The following CHD2 variants were observed in gnomAD, a reference collection of about 807,000 sequenced individuals.
CHD2 encodes chromodomain helicase DNA binding protein 2, also known as ATP-dependent chromatin remodeler CHD2.
A neutral mutation model predicts 243.9 loss-of-function variants in CHD2; 28 were observed. The observed-to-expected ratio is 0.11, with a 90% CI of 0.09 to 0.16. The LOEUF (loss-of-function observed/expected upper bound fraction) is 0.16. CHD2 is among the 10% of genes least tolerant of loss of function. The pLI is 1.00. For missense variants in CHD2, 1,386 were observed against 2,209.8 expected (o/e 0.63, Z 7.47); for synonymous variants, 775 against 779.0 (o/e 0.99, Z 0.09).
chr15:92,993,930 C>G (rs555663701), intron 28 of CHD2, among the ~76,000 whole-genome samples: 3 of 152,108 alleles, frequency 2.0e-5, no homozygotes, highest in African/African-American at 7.2e-5. Flanking sequence ...TGAGATCATG[C>G]CACTGCACTT....
rs145021164 is a variant in CHD2, at chr15:93,025,614, C to T, written c.*909C>T. The T allele has an allele frequency of 6.6e-6, 1 of 152,414 alleles. No individual in the cohort carries two copies. The highest frequency in any genetic ancestry group is 6.5e-5 in the Admixed American group (1 of 15,272). 9.4% of individuals were successfully genotyped at this position (152,414 alleles called of 1,614,324 possible). ...TGGAATCCCTGGTGGATTTCTGATT[C>T]CTGTGGTGAGAAGGAAAGCTACAGG... On this transcript the variant is annotated 3_prime_UTR_variant, in exon 39 of 39. Transcript: ENST00000394196.
chr15:92,991,629 T>C (rs2054121049), intron 27 of CHD2, 112 bp downstream of exon 27: 1 of 676,070 alleles, frequency 1.5e-6, no homozygotes. Flanking sequence ...CATTTTTTTT[T>C]CTGGAAACAT....
intron 26 of CHD2, chr15:92,991,237 TAC>T: frequency 2.3e-6 from 1 of 436,844 alleles, no homozygotes; most frequent in East Asian, 4.1e-5. Flanking sequence ...CAGGTTTATG[TAC>T]AGTCACTGAG....
chr15:93,016,551 C>A (rs2054462638), intron 37 of CHD2, among the ~76,000 whole-genome samples: 1 of 151,942 alleles, frequency 6.6e-6, no homozygotes, highest in South Asian at 2.1e-4. Context: ...GCATTGTAAT[C>A]AATAAATACA....
Position 92,995,452 on chromosome 15 carries a change from T to C in CHD2, c.3596-1505T>C, listed in dbSNP as rs557577227. On this transcript the variant is annotated intron_variant, in intron 28 of 38. Transcript: ENST00000394196. ...GTCACTGTTTCTATTAGTTGTAAGT[T>C]TATCTTTGATTGTTTCTTTTAAAAT... 2.2e-3 allele frequency among the ~76,000 whole-genome samples: 338 copies of C among 151,328 alleles called. 2 individuals carry two copies. The highest frequency in any genetic ancestry group is 7.7e-3 in the African/African-American group (319 of 41,408).
intron 2 of CHD2, among the ~76,000 whole-genome samples, chr15:92,916,611 T>C (rs2052841549): frequency 6.6e-6 from 1 of 152,212 alleles, no homozygotes; most frequent in Admixed American, 6.5e-5. Flanking sequence ...TGGAGTGCAA[T>C]GGTGCAACCT....
At chr15:92,939,508 T>TAC in intron 6 of CHD2, 70 bp from the exon 7 acceptor site, 1 of 1,503,042 alleles carries the variant, frequency 6.7e-7, no homozygotes, top group South Asian at 1.2e-5. Context: ...CTCTGGGAAA[T>TAC]ACTGTTATAT....
chr15:92,950,738 G>A (rs1463458611), intron 13 of CHD2, among the ~76,000 whole-genome samples: 1 of 146,078 alleles, frequency 6.8e-6, no homozygotes, highest in Non-Finnish European at 1.5e-5. Context: ...GGGTGACAAA[G>A]TGAAACTTCA....
intron 2 of CHD2, among the ~76,000 whole-genome samples, chr15:92,903,803 C>G (rs1046391739): frequency 6.6e-6 from 1 of 152,156 alleles, no homozygotes; most frequent in Non-Finnish European, 1.5e-5. Context: ...AAGAATTGAA[C>G]GAGTTTATTA....
chr15:92,999,790 AT>A (rs1596448781), intron 31 of CHD2, among the ~76,000 whole-genome samples: 1 of 152,148 alleles, frequency 6.6e-6, no homozygotes, highest in South Asian at 2.1e-4. Context: ...GATAAACAGT[AT>A]TTTAACCTTT....
chr15:92,906,477 A>AT (rs1459267279), intron 2 of CHD2, among the ~76,000 whole-genome samples: 6 of 152,158 alleles, frequency 3.9e-5, no homozygotes, highest in Non-Finnish European at 7.4e-5. Context: ...AGATTTTATC[A>AT]TTAGTTTACT....
intron 2 of CHD2, chr15:92,901,994 A>G (rs2052535312): frequency 2.6e-6 from 1 of 385,662 alleles, no homozygotes; most frequent in South Asian, 1.4e-4. Context: ...GAATACTCTT[A>G]ATATATACTT....
chr15:92,981,426 G>A lies in CHD2; in HGVS notation c.3035G>A (p.Ser1012Asn), dbSNP rs978368528. 1 of 1,613,768 alleles carries A rather than the reference G, an allele frequency of 6.2e-7. No homozygotes were observed. The highest frequency in any genetic ancestry group is 8.5e-7 in the Non-Finnish European group (1 of 1,179,698). Residue 1012 changes from serine to asparagine, a missense_variant, in exon 24 of 39, where the codon AGT becomes AAT. Coordinates refer to ENST00000394196, the MANE Select transcript of CHD2 (RefSeq NM_001271.4). ...AETRENEVST[S>N]ATDELLSQFK... ...ACGAGAGAGAATGAAGTGTCAACAA[G>A]TGCAACAGATGAACTTCTATCACAG... is the stretch of plus-strand genomic sequence containing the variant.
At position 93,002,185 on chromosome 15, in the gene CHD2, C is replaced by T. The variant is rs1347474917; in HGVS notation, c.4146C>T (p.Gly1382=). The T allele has an allele frequency of 1.9e-6, 3 of 1,582,482 alleles. No homozygotes were observed. The highest frequency in any genetic ancestry group is 1.4e-5 in the African/African-American group (1 of 71,926). Residue 1382 remains glycine (G), a synonymous_variant, in exon 33 of 39, where the codon GGC becomes GGT. Coordinates refer to ENST00000394196, the MANE Select transcript of CHD2 (RefSeq NM_001271.4). The part of the protein sequence containing the change: ...PSEEGEVKDD[G]LEKSPMKKKQ... Reference sequence around the variant, plus strand: ...CCTGTTTTGTTTCCTAGGATGATGGCTTGGAAAAAAGTCCAATGAAAAAAA... The same window carrying T: ...CCTGTTTTGTTTCCTAGGATGATGGTTTGGAAAAAAGTCCAATGAAAAAAA...
Position 92,924,543 on chromosome 15 carries a change from T to C in CHD2, c.285T>C (p.Asp95=), listed in dbSNP as rs2053020328. The part of the protein sequence containing the change: ...KPASKKERIA[D]VKKMWEEYPD... The stretch of plus-strand genomic sequence containing the variant: ...CCTCTAAGAAGGAACGGATAGCTGA[T>C]GTGAAGAAGGTATCTACTTTGCCCT... The change falls in exon 3 of 39, where the codon GAT becomes GAC. Residue 95 remains aspartate, a synonymous_variant. Coordinates refer to ENST00000394196, the MANE Select transcript of CHD2 (RefSeq NM_001271.4). The C allele has an allele frequency of 1.1e-5, 18 of 1,614,014 alleles. No individual in the cohort carries two copies. The highest frequency in any genetic ancestry group is 1.5e-5 in the Non-Finnish European group (18 of 1,179,898).
chr15:92,992,786 T>C, intron 27 of CHD2, 73 bp from the exon 28 acceptor site: 2 of 1,554,582 alleles, frequency 1.3e-6, no homozygotes, highest in Non-Finnish European at 8.8e-7. Flanking sequence ...ATGTGAGGCC[T>C]AGTGGCATCT....
intron 2 of CHD2, chr15:92,902,684 T>G (rs1279629129): frequency 6.6e-6 from 1 of 152,210 alleles, no homozygotes; most frequent in African/African-American, 2.4e-5. Context: ...GACAGAAAAG[T>G]TTTTTACTCA....
At chr15:92,948,480 A>G (rs1293271638) in intron 12 of CHD2, among the ~76,000 whole-genome samples, 1 of 152,210 alleles carries the variant, frequency 6.6e-6, no homozygotes, top group African/African-American at 2.4e-5. Flanking sequence ...ACTCTGGCTT[A>G]TGGAATATTA....
At chr15:92,904,444 A>T (rs114901994) in intron 2 of CHD2, 2 of 988,210 alleles carry the variant, frequency 2.0e-6, no homozygotes, top group South Asian at 4.6e-5. Context: ...CCGCGTGCGC[A>T]TGTCGGGCGC....
Sources: gnomAD v4.1 joint callset for allele counts (sites outside exome capture counted in the v4.1 genomes callset) on GRCh38, gnomAD v4.1.1 for gene constraint, MANE v1.5 for transcripts, NCBI Gene and HGNC (gene_info 2026-07-23, HGNC 2026-07-21) for gene names.